SPMIP8: variants seen among roughly 807,000 people sequenced by gnomAD.
The protein encoded by SPMIP8 is sperm microtubule inner protein 8, also known as testicular tissue protein Li 196.
chr16:57,987,622 C>G, the SPMIP8 span: 1 of 538,564 alleles, frequency 1.9e-6, no homozygotes, highest in Non-Finnish European at 2.9e-6. Context: ...AGGGTCAGGG[C>G]CACAGGATGA....
At chr16:57,987,439 A>C in the SPMIP8 span, 1 of 1,590,354 alleles carries the variant, frequency 6.3e-7, no homozygotes, top group Non-Finnish European at 8.6e-7. Context: ...TCTGGAAAGG[A>C]GGCTGACTCC....
the SPMIP8 span, chr16:57,977,906 G>C: frequency 6.2e-7 from 1 of 1,614,126 alleles, no homozygotes; most frequent in Non-Finnish European, 8.5e-7. Context: ...TGGAGCGGCA[G>C]CGCAACCAGC....
chr16:57,980,012 C>T, the SPMIP8 span, among the ~76,000 whole-genome samples: 36 of 152,164 alleles, frequency 2.4e-4, no homozygotes, highest in African/African-American at 7.7e-4. Flanking sequence ...TGCGATGAGC[C>T]GAGATGGAGC....
the SPMIP8 span, among the ~76,000 whole-genome samples, chr16:57,981,404 TATA>T: frequency 5.7e-5 from 8 of 140,516 alleles, no homozygotes; most frequent in East Asian, 2.0e-4. Context: ...TTATTATTAT[TATA>T]ATAATAATTA....
chr16:57,982,227 T>C, the SPMIP8 span, among the ~76,000 whole-genome samples: 1 of 152,214 alleles, frequency 6.6e-6, no homozygotes, highest in African/African-American at 2.4e-5. Flanking sequence ...ACAATACTTC[T>C]ACAACATCTA....
At chr16:57,985,662 G>A in the SPMIP8 span, 1 of 1,410,772 alleles carries the variant, frequency 7.1e-7, no homozygotes, top group Non-Finnish European at 9.5e-7. Flanking sequence ...GGGAAAAATT[G>A]GCTCCAATAC....
At chr16:57,977,966 C>T in the SPMIP8 span, 1 of 1,614,192 alleles carries the variant, frequency 6.2e-7, no homozygotes, top group Non-Finnish European at 8.5e-7. Flanking sequence ...CCACCCTGCG[C>T]CACATGGACA....
the SPMIP8 span, among the ~76,000 whole-genome samples, chr16:57,983,816 T>G: frequency 2.0e-4 from 31 of 152,210 alleles, no homozygotes; most frequent in African/African-American, 7.2e-4. Context: ...TTTCACCTTG[T>G]TGCCCAGGCT....
chr16:57,977,839 T>C, the SPMIP8 span: 2 of 1,613,736 alleles, frequency 1.2e-6, no homozygotes, highest in Admixed American at 3.3e-5. Flanking sequence ...ATTGACCTGG[T>C]GCCCTGGGAC....
At chr16:57,979,368 T>C in the SPMIP8 span, among the ~76,000 whole-genome samples, 3 of 151,930 alleles carry the variant, frequency 2.0e-5, no homozygotes, top group African/African-American at 7.3e-5. Context: ...GAAGGAACAC[T>C]CCACAGGGAA....
chr16:57,979,427 C>T, the SPMIP8 span, among the ~76,000 whole-genome samples: 24 of 152,334 alleles, frequency 1.6e-4, no homozygotes, highest in African/African-American at 5.3e-4. Flanking sequence ...CGGGGTTCCC[C>T]ACAGACTGTG....
the SPMIP8 span, among the ~76,000 whole-genome samples, chr16:57,981,395 T>TATTATTATTATTATTATAATA: frequency 1.6e-5 from 2 of 127,804 alleles, no homozygotes; most frequent in African/African-American, 5.6e-5. Context: ...TAATAATAAT[T>TATTATTATTATTATTATAATA]ATTATTATTA....
the SPMIP8 span, among the ~76,000 whole-genome samples, chr16:57,979,910 A>T: frequency 2.6e-5 from 4 of 152,220 alleles, no homozygotes; most frequent in East Asian, 7.7e-4. Flanking sequence ...TTCACTAAAA[A>T]TACAAAAATT....
the SPMIP8 span, chr16:57,987,328 G>A: frequency 2.8e-6 from 4 of 1,415,036 alleles, no homozygotes; most frequent in South Asian, 4.7e-5. Flanking sequence ...GATCCTAGAG[G>A]GGAAAAGCCT....
the SPMIP8 span, chr16:57,985,823 G>C: frequency 4.7e-6 from 7 of 1,498,390 alleles, no homozygotes; most frequent in Non-Finnish European, 6.3e-6. Flanking sequence ...ATGGCGGGGA[G>C]AGGGGGTGGC....
the SPMIP8 span, chr16:57,977,786 T>C: frequency 6.3e-7 from 1 of 1,597,242 alleles, no homozygotes; most frequent in African/African-American, 1.3e-5. Context: ...GAGCCCAGGG[T>C]GAGCCCCTTA....
the SPMIP8 span, chr16:57,985,196 C>T: frequency 7.9e-6 from 12 of 1,519,148 alleles, no homozygotes; most frequent in Non-Finnish European, 1.1e-5. Context: ...GAGGGGCTTT[C>T]TGTTCGCAGC....
chr16:57,981,395 T>TATTATTATTATAATAATAATA, the SPMIP8 span, among the ~76,000 whole-genome samples: 6 of 127,804 alleles, frequency 4.7e-5, no homozygotes, highest in African/African-American at 1.7e-4. Flanking sequence ...TAATAATAAT[T>TATTATTATTATAATAATAATA]ATTATTATTA....
chr16:57,985,578 A>G, the SPMIP8 span: 1 of 1,567,938 alleles, frequency 6.4e-7, no homozygotes, highest in Non-Finnish European at 8.7e-7. Context: ...GGGACCCCAT[A>G]TCTGGAGGAG....
Sources: gnomAD v4.1 joint callset for allele counts (sites outside exome capture counted in the v4.1 genomes callset) on GRCh38, gnomAD v4.1.1 for gene constraint, MANE v1.5 for transcripts, NCBI Gene and HGNC (gene_info 2026-07-23, HGNC 2026-07-21) for gene names.